Variants in DOCK8 observed in about 807,000 individuals in gnomAD.
DOCK8 encodes dedicator of cytokinesis protein 8.
A neutral mutation model predicts 245.6 loss-of-function variants in DOCK8; 141 were observed. The observed-to-expected ratio is 0.57, with a 90% CI of 0.50 to 0.66. The LOEUF (loss-of-function observed/expected upper bound fraction) is 0.66. DOCK8 is among the 30% of genes least tolerant of loss of function. The pLI is 0.00. For missense variants in DOCK8, 2,965 were observed against 2,603.4 expected, an observed-to-expected ratio of 1.14 and a Z score of -3.02; for synonymous variants, 1,168 against 970.2, an observed-to-expected ratio of 1.20 and a Z score of -3.79.
At chr9:223,623 T>A (rs1171574635) in intron 1 of DOCK8, among the ~76,000 whole-genome samples, 1 of 138,348 alleles carries the variant, frequency 7.2e-6, no homozygotes, top group Admixed American at 7.1e-5. Context: ...TTTTAAAATC[T>A]TTTTTTTTTT....
At chr9:356,561 G>C (rs1448163849) in intron 14 of DOCK8, among the ~76,000 whole-genome samples, 1 of 150,070 alleles carries the variant, frequency 6.7e-6, no homozygotes, top group African/African-American at 2.4e-5. Context: ...AATTTGGTTT[G>C]GGTCCCTTCC....
At chr9:277,618 A>G (rs1015894607) in intron 2 of DOCK8, among the ~76,000 whole-genome samples, 13 of 144,826 alleles carry the variant, frequency 9.0e-5, no homozygotes, top group African/African-American at 3.7e-4. Context: ...AGTAAGGAGG[A>G]TTTGAGACTG....
intron 18 of DOCK8, among the ~76,000 whole-genome samples, chr9:372,494 A>C (rs1447892095): frequency 6.6e-6 from 1 of 152,206 alleles, no homozygotes; most frequent in Non-Finnish European, 1.5e-5. Context: ...GACGCAACCT[A>C]CACCCAAGGC....
chr9:247,849 C>G (rs1189045702), intron 1 of DOCK8, among the ~76,000 whole-genome samples: 3 of 152,002 alleles, frequency 2.0e-5, no homozygotes, highest in African/African-American at 7.2e-5. Flanking sequence ...GTGTTAGTCT[C>G]TAAGGAAATG....
chr9:393,223 T>C (rs1227943839), intron 24 of DOCK8, among the ~76,000 whole-genome samples: 2 of 151,998 alleles, frequency 1.3e-5, no homozygotes, highest in African/African-American at 2.4e-5. Flanking sequence ...AGTGGTTCCA[T>C]GTGGCATCTT....
intron 5 of DOCK8, among the ~76,000 whole-genome samples, chr9:307,380 A>G (rs1475968210): frequency 9.7e-5 from 6 of 61,724 alleles, no homozygotes; most frequent in African/African-American, 4.6e-4. Context: ...TTTTTTTGAG[A>G]TGGAGTTTTG....
intron 14 of DOCK8, among the ~76,000 whole-genome samples, chr9:361,663 C>G (rs2052737646): frequency 6.6e-6 from 1 of 152,142 alleles, no homozygotes. Flanking sequence ...TACTAAGATG[C>G]AAAATGCAGC....
At chr9:417,019 G>C (rs2056050097) in intron 29 of DOCK8, among the ~76,000 whole-genome samples, 1 of 152,226 alleles carries the variant, frequency 6.6e-6, no homozygotes, top group Non-Finnish European at 1.5e-5. Flanking sequence ...TTTTGGCTCG[G>C]TGTGGTGGCT....
intron 45 of DOCK8, among the ~76,000 whole-genome samples, chr9:450,620 TTTCTC>T (rs1471336928): frequency 2.6e-5 from 4 of 152,132 alleles, no homozygotes; most frequent in African/African-American, 9.7e-5. Context: ...TCATGAGTCT[TTTCTC>T]ATTCAGCGTA....
rs746195776 is a variant in DOCK8 at position 406,959 on chromosome 9, C to A, written c.3420C>A (p.Asp1140Glu). 1 of 1,614,102 alleles carries A rather than the reference C, an allele frequency of 6.2e-7. No individual in the cohort carries two copies. Among genetic ancestry groups the A allele is most frequent in the Admixed American group, 1.7e-5 (1 of 60,008 alleles). The change falls in exon 28 of 48, where the codon GAC becomes GAA. Residue 1140 changes from aspartate (D) to glutamate (E), a missense_variant. Around this residue, in one of 3 missense-constraint regions of DOCK8, gnomAD observed 2,825 missense variants for 2,453.5 expected, o/e 1.15. Transcript: ENST00000432829. ...QNSSSCSSFQ[D>E]QKIASMFDLT... ...CAAGCTCCTGCTCCAGCTTCCAGGA[C>A]CAGAAGATCGCCAGCATGTTCGATC...
intron 2 of DOCK8, among the ~76,000 whole-genome samples, chr9:281,217 G>A (rs1225294610): frequency 6.6e-6 from 1 of 151,862 alleles, no homozygotes; most frequent in African/African-American, 2.4e-5. Flanking sequence ...TCCCGCCACT[G>A]CAGTCCAGCA....
chr9:219,815 C>G (rs145745486), intron 1 of DOCK8, among the ~76,000 whole-genome samples: 261 of 152,118 alleles, frequency 1.7e-3, no homozygotes, highest in African/African-American at 6.0e-3. Flanking sequence ...GAGGATCACT[C>G]GAACCCAGGA....
chr9:333,331 G>A (rs776780605), intron 10 of DOCK8, among the ~76,000 whole-genome samples: 74 of 152,342 alleles, frequency 4.9e-4, no homozygotes, highest in Non-Finnish European at 7.8e-4. Context: ...GCCGGGCGTG[G>A]TGGCTCACAC....
At position 446,537 on chromosome 9, in the gene DOCK8, C is replaced by T; in HGVS notation, c.5748C>T (p.Asn1916=). The T allele has an allele frequency of 6.2e-7, 1 of 1,614,210 alleles. No homozygotes were observed. Among genetic ancestry groups the T allele is most frequent in the Non-Finnish European group, 8.5e-7 (1 of 1,180,038 alleles). Residue 1916 remains asparagine, a synonymous_variant, in exon 44 of 48, where the codon AAC becomes AAT. Coordinates refer to ENST00000432829, the MANE Select transcript of DOCK8 (RefSeq NM_203447.4). ...RGELHEQYRR[N]TVLTTMHAFP... ...AGCTGCATGAGCAGTACAGAAGGAA[C>T]ACAGTCCTGACCACTATGCACGCCT...
intron 5 of DOCK8, among the ~76,000 whole-genome samples, chr9:310,573 C>T (rs2050060571): frequency 6.6e-6 from 1 of 152,292 alleles, no homozygotes; most frequent in East Asian, 1.9e-4. Context: ...ATTCTCCTGC[C>T]TCAGCCTCCC....
intron 22 of DOCK8, 25 bp downstream of exon 22, chr9:382,710 A>G (rs371534090): frequency 2.5e-6 from 4 of 1,613,256 alleles, no homozygotes; most frequent in Non-Finnish European, 3.4e-6. Flanking sequence ...AAACCGTGGA[A>G]GGGGACACAG....
At position 293,059 on chromosome 9, in the gene DOCK8, A is replaced by G. The variant is rs183395641; in HGVS notation, c.404+3478A>G. Reference sequence around the variant, plus strand: ...TGTTTGGCAACATTCTAGGGATGGGATTACCATTGGCCCAGTTCTCTGCAC... The same window carrying G: ...TGTTTGGCAACATTCTAGGGATGGGGTTACCATTGGCCCAGTTCTCTGCAC... On this transcript the variant is annotated intron_variant, in intron 4 of 47. Transcript: ENST00000432829. 2.6e-5 allele frequency among the ~76,000 whole-genome samples: 4 copies of G among 152,304 alleles called. No individual in the cohort carries two copies. In the East Asian group the frequency reaches 7.7e-4, roughly 29 times the overall value.
In DOCK8 at chr9:434,765, C is replaced by T; in HGVS notation, c.4887-18C>T. 3 of 1,613,434 alleles carry T rather than the reference C, an allele frequency of 1.9e-6. No individual in the cohort carries two copies. The highest frequency in any genetic ancestry group is 2.5e-6 in the Non-Finnish European group (3 of 1,179,862). The stretch of plus-strand genomic sequence containing the variant: ...ACCCACTGTCCTCAAAACTACTTCT[C>T]ACTCAATCTGTCTTCAGAATTGCCA... On this transcript the variant is annotated intron_variant, in intron 38 of 47. Coordinates refer to ENST00000432829, the MANE Select transcript of DOCK8 (RefSeq NM_203447.4).
chr9:404,715 G>A (rs2055331876), intron 26 of DOCK8, among the ~76,000 whole-genome samples: 1 of 152,216 alleles, frequency 6.6e-6, no homozygotes, highest in African/African-American at 2.4e-5. Context: ...TACTAGGCTA[G>A]AATCACTAAG....
Sources: gnomAD v4.1 joint callset for allele counts (sites outside exome capture counted in the v4.1 genomes callset) on GRCh38, gnomAD v4.1.1 for gene constraint, gnomAD v4.1.1 regional missense constraint, MANE v1.5 for transcripts, NCBI Gene and HGNC (gene_info 2026-07-23, HGNC 2026-07-21) for gene names.